KALRN: variants seen among roughly 807,000 people sequenced by gnomAD.
The protein encoded by KALRN is kalirin.
Under a neutral mutation model 353.7 loss-of-function variants are expected in KALRN, and 70 were observed. That is an observed-to-expected ratio of 0.20 (90% confidence interval 0.16 to 0.24). The LOEUF (loss-of-function observed/expected upper bound fraction) is 0.24. Among genes scored for constraint, KALRN ranks in the 10% least tolerant of loss-of-function variants. The pLI is 1.00. For missense variants in KALRN, 2,791 were observed against 3,756.7 expected (o/e 0.74, Z 6.72); for synonymous variants, 1,391 against 1,434.8 (o/e 0.97, Z 0.69).
chr3:124,330,979 G>A (rs943449264), intron 8 of KALRN, among the ~76,000 whole-genome samples: 2 of 152,176 alleles, frequency 1.3e-5, no homozygotes, highest in African/African-American at 4.8e-5. Context: ...TGAAGTCTAA[G>A]AACCAATGGC....
intron 1 of KALRN, among the ~76,000 whole-genome samples, chr3:124,124,975 G>A (rs1350044191): frequency 6.6e-6 from 1 of 152,144 alleles, no homozygotes; most frequent in African/African-American, 2.4e-5. Context: ...CCTGTATATG[G>A]TAATGCGTGG....
chr3:124,366,864 C>T (rs13100405), intron 10 of KALRN, among the ~76,000 whole-genome samples: 15,208 of 126,182 alleles, frequency 0.12, 1,178 homozygotes, highest in Non-Finnish European at 0.16. Context: ...CCGGACGGGG[C>T]GGCTGGCCGG....
At chr3:124,557,903 G>A (rs984587900) in intron 33 of KALRN, among the ~76,000 whole-genome samples, 8 of 152,166 alleles carry the variant, frequency 5.3e-5, no homozygotes, top group Admixed American at 1.3e-4. Flanking sequence ...AGATTCTGGG[G>A]TAAGGGGGCT....
intron 21 of KALRN, among the ~76,000 whole-genome samples, chr3:124,448,494 G>A (rs942823101): frequency 6.6e-6 from 1 of 152,114 alleles, no homozygotes; most frequent in Non-Finnish European, 1.5e-5. Flanking sequence ...CAGCTGAATG[G>A]ATGTATTCTC....
At chr3:124,248,304 G>T (rs2070636372) in intron 3 of KALRN, among the ~76,000 whole-genome samples, 1 of 152,222 alleles carries the variant, frequency 6.6e-6, no homozygotes, top group African/African-American at 2.4e-5. Context: ...TTTCAGACAT[G>T]AAGTACCTGA....
At chr3:124,609,974 C>T (rs1008313603) in intron 34 of KALRN, among the ~76,000 whole-genome samples, 4 of 152,204 alleles carry the variant, frequency 2.6e-5, no homozygotes, top group African/African-American at 9.6e-5. Flanking sequence ...GGCATCTTGG[C>T]TTCCTTTTTA....
At chr3:124,342,667 G>A (rs926420654) in intron 9 of KALRN, among the ~76,000 whole-genome samples, 34 of 152,110 alleles carry the variant, frequency 2.2e-4, no homozygotes, top group African/African-American at 8.2e-4. Flanking sequence ...TTAAGCCTTA[G>A]TGTATAAATT....
chr3:124,582,261 T>A (rs2074703289), intron 34 of KALRN, among the ~76,000 whole-genome samples: 1 of 152,146 alleles, frequency 6.6e-6, no homozygotes, highest in Non-Finnish European at 1.5e-5. Context: ...CCTCAGGTGA[T>A]CCGCCCACCT....
chr3:124,197,892 G>A (rs1297949766), intron 1 of KALRN, among the ~76,000 whole-genome samples: 4 of 152,256 alleles, frequency 2.6e-5, no homozygotes, highest in Non-Finnish European at 5.9e-5. Flanking sequence ...ACCTTCAGCT[G>A]CTCTCCGATG....
In KALRN at chr3:124,719,459, CA is replaced by C. The variant is rs1448761233; in HGVS notation, c.8952del (p.Thr2986ArgfsTer16). ...VKSYIVNRVN[Q>X]GT is the part of the protein sequence containing the mutation. ...GAGCTACATTGTCAACCGGGTGAAC[CA>C]AGGGACGTAGCCATCTCCCAGCCCC... is the stretch of plus-strand genomic sequence containing the variant. On this transcript the variant is annotated frameshift_variant, in exon 60 of 60. Transcript: ENST00000682506. LOFTEE classifies it high-confidence loss of function. The surrounding 1 kb of genome is among the most constrained non-coding windows in gnomAD (Gnocchi z 5.3). The C allele has an allele frequency of 3.7e-6, 6 of 1,612,492 alleles. No individual in the cohort carries two copies. Among genetic ancestry groups the C allele is most frequent in the Non-Finnish European group, 3.4e-6 (4 of 1,178,968 alleles).
intron 10 of KALRN, among the ~76,000 whole-genome samples, chr3:124,378,789 CT>C (rs2149869790): frequency 6.6e-6 from 1 of 151,986 alleles, no homozygotes; most frequent in Non-Finnish European, 1.5e-5. Context: ...TCATCCTTAT[CT>C]TTGTTCCTCT....
chr3:124,205,075 G>A (rs1444768), intron 1 of KALRN, among the ~76,000 whole-genome samples: 78,568 of 152,044 alleles, frequency 0.52, 22,734 homozygotes, highest in Non-Finnish European at 0.65. Flanking sequence ...ACAAAACAGC[G>A]TCAGGACATA....
At chr3:124,403,774 C>G (rs1468060869) in intron 13 of KALRN, among the ~76,000 whole-genome samples, 1 of 152,170 alleles carries the variant, frequency 6.6e-6, no homozygotes, top group Non-Finnish European at 1.5e-5. Flanking sequence ...ATTTGGTGAG[C>G]ACCTCCTTAT....
chr3:124,173,438 G>A (rs780342446), intron 1 of KALRN, among the ~76,000 whole-genome samples: 1 of 152,220 alleles, frequency 6.6e-6, no homozygotes, highest in Non-Finnish European at 1.5e-5. Flanking sequence ...CCTTGCAGAA[G>A]TGATGCTGAG....
intron 3 of KALRN, among the ~76,000 whole-genome samples, chr3:124,244,146 A>C (rs1159009948): frequency 6.6e-6 from 1 of 152,224 alleles, no homozygotes; most frequent in Non-Finnish European, 1.5e-5. Flanking sequence ...GTAAGTGCAG[A>C]AAAAATATTT....
rs567403731 is a variant in KALRN at position 124,424,541 on chromosome 3, A to G, written c.2709+1563A>G. On this transcript the variant is annotated intron_variant, in intron 15 of 59. Coordinates refer to ENST00000682506, the MANE Select transcript of KALRN (RefSeq NM_001388419.1). Reference sequence around the variant, plus strand: ...ATCAGTGCTGAGCCATAGCCCACACATGCCATGCTAAAGATCTGTATTCAG... The same window carrying G: ...ATCAGTGCTGAGCCATAGCCCACACGTGCCATGCTAAAGATCTGTATTCAG... Among the ~76,000 whole-genome samples, 10 of 152,288 alleles carry G rather than the reference A, an allele frequency of 6.6e-5. No homozygotes were observed. The South Asian group carries it at 1.5e-3, about 22-fold the overall frequency.
chr3:124,036,569 T>C (rs981901263), intron 1 of KALRN, among the ~76,000 whole-genome samples: 1 of 152,112 alleles, frequency 6.6e-6, no homozygotes, highest in African/African-American at 2.4e-5. Flanking sequence ...AGAAAAGCCA[T>C]GTTTCTAAAC....
intron 3 of KALRN, among the ~76,000 whole-genome samples, chr3:124,260,773 C>G (rs1273532846): frequency 6.6e-6 from 1 of 152,136 alleles, no homozygotes; most frequent in Non-Finnish European, 1.5e-5. Context: ...GAGCTGCACT[C>G]TCTTGCATTC....
intron 34 of KALRN, among the ~76,000 whole-genome samples, chr3:124,617,586 A>G (rs536652769): frequency 6.6e-6 from 1 of 152,312 alleles, no homozygotes; most frequent in East Asian, 1.9e-4. Context: ...GTGAACTGAA[A>G]AATTAGACTA....
Sources: gnomAD v4.1 joint callset for allele counts (sites outside exome capture counted in the v4.1 genomes callset) on GRCh38, gnomAD v4.1.1 for gene constraint, Gnocchi (gnomAD v3.1) non-coding constraint, MANE v1.5 for transcripts, NCBI Gene and HGNC (gene_info 2026-07-23, HGNC 2026-07-21) for gene names.